The following ILDR2 variants were observed in gnomAD, a reference collection of about 807,000 sequenced individuals.
ILDR2 encodes the protein immunoglobulin like domain containing receptor 2.
In ILDR2, 25 loss-of-function variants were observed where a neutral mutation model predicts 66.8. That is an observed-to-expected ratio of 0.37 (90% CI 0.27 to 0.52). ILDR2 has a LOEUF of 0.52. Among genes scored for constraint, ILDR2 ranks in the 20% least tolerant of loss-of-function variants. The pLI is 0.88. For missense variants in ILDR2, 827 were observed against 876.8 expected (o/e 0.94, Z 0.72); for synonymous variants, 367 against 357.2 (o/e 1.03, Z -0.31).
chr1:166,927,150 T>G lies in ILDR2; in HGVS notation c.911A>C (p.Lys304Thr). ...VRKGYRIQADKERDSMKVLYY... is the reference protein window; with the variant it reads ...VRKGYRIQADTERDSMKVLYY... Reference sequence around the variant, plus strand: ...CAGGACCTTCATGGAGTCTCTCTCTTTGTCAGCCTGGATCCGGTAACCTTT... The same window carrying G: ...CAGGACCTTCATGGAGTCTCTCTCTGTGTCAGCCTGGATCCGGTAACCTTT... The change falls in exon 7 of 10, where the codon AAA (lysine) becomes ACA (threonine). Residue 304 changes from lysine to threonine, a missense_variant. By Grantham distance (78) the Lys-to-Thr change is moderately conservative (BLOSUM62 -1). Transcript: ENST00000271417. 6 of 1,613,790 alleles carry G rather than the reference T, an allele frequency of 3.7e-6. No individual in the cohort carries two copies. The highest frequency in any genetic ancestry group is 5.1e-6 in the Non-Finnish European group (6 of 1,179,870).
At chr1:166,947,791 T>C (rs1661722693) in intron 3 of ILDR2, among the ~76,000 whole-genome samples, 1 of 152,018 alleles carries the variant, frequency 6.6e-6, no homozygotes, top group Non-Finnish European at 1.5e-5. Flanking sequence ...TGCGCGCTAA[T>C]TGAAGGCCGA....
downstream of ILDR2, chr1:166,907,894 G>A (rs993782061): frequency 1.3e-5 from 2 of 152,152 alleles, no homozygotes; most frequent in African/African-American, 4.8e-5. Context: ...TTGGTCTGAA[G>A]CTGAGATGCA....
chr1:166,921,921 G>T lies in ILDR2; in HGVS notation c.1212-542C>A, dbSNP rs146661951. 3.7e-4 allele frequency among the ~76,000 whole-genome samples: 56 copies of T among 152,278 alleles called. No homozygotes were observed. The highest frequency in any genetic ancestry group is 1.3e-3 in the African/African-American group (55 of 41,560). ...TAAAGGACAGATGAGTGGTGAAGGT[G>T]CTATTTAGGGGGAATAGCAAATCTT... On this transcript the variant is annotated intron_variant, in intron 8 of 9. Transcript: ENST00000271417. The surrounding 1 kb of genome is among the most constrained non-coding windows in gnomAD (Gnocchi z 5.3).
rs556814117 is a variant in ILDR2, at chr1:166,963,373, A to G, written c.47-5272T>C. Among the ~76,000 whole-genome samples the G allele has an allele frequency of 3.3e-5, 5 of 152,362 alleles. No individual in the cohort carries two copies. In the East Asian group the frequency reaches 9.6e-4, roughly 29 times the overall value. ...GTTATTACACCTGTTTTATAGACGA[A>G]GAGACTGATGCTCAGATAATGTATG... On this transcript the variant is annotated intron_variant, in intron 1 of 9. Coordinates refer to ENST00000271417, the MANE Select transcript of ILDR2 (RefSeq NM_199351.3).
At chr1:166,955,367 G>A (rs932342152) in intron 3 of ILDR2, among the ~76,000 whole-genome samples, 1 of 152,152 alleles carries the variant, frequency 6.6e-6, no homozygotes, top group African/African-American at 2.4e-5. Context: ...AGCACTTTTG[G>A]GAGGCCAGGG....
Position 166,975,272 on chromosome 1 carries a change from C to G in ILDR2, c.-4G>C, listed in dbSNP as rs1663528058. 2 of 1,612,946 alleles carry G rather than the reference C, an allele frequency of 1.2e-6. No individual in the cohort carries two copies. Among genetic ancestry groups the G allele is most frequent in the Non-Finnish European group, 1.7e-6 (2 of 1,179,202 alleles). On this transcript the variant is annotated 5_prime_UTR_variant, in exon 1 of 10. Coordinates refer to ENST00000271417, the MANE Select transcript of ILDR2 (RefSeq NM_199351.3). ...ACCTCAGCAAGACCCTATCCATCTT[C>G]CCCAACTTCCCAGCCGAATTACGGA...
intron 3 of ILDR2, among the ~76,000 whole-genome samples, chr1:166,953,849 T>A (rs1177583349): frequency 6.6e-6 from 1 of 152,204 alleles, no homozygotes; most frequent in Non-Finnish European, 1.5e-5. Context: ...TTCCTGTGCA[T>A]AAGTACCTCC....
chr1:166,944,878 A>G (rs1661522264), intron 3 of ILDR2, among the ~76,000 whole-genome samples: 1 of 152,024 alleles, frequency 6.6e-6, no homozygotes, highest in African/African-American at 2.4e-5. Flanking sequence ...TACTTTTACG[A>G]GTGCCTCCAC....
chr1:166,946,105 A>G (rs1011325433), intron 3 of ILDR2, among the ~76,000 whole-genome samples: 1 of 152,190 alleles, frequency 6.6e-6, no homozygotes, highest in Non-Finnish European at 1.5e-5. Context: ...TTTTAAATGT[A>G]AAGATGTTTC....
intron 6 of ILDR2, among the ~76,000 whole-genome samples, chr1:166,934,922 C>T (rs969408675): frequency 6.6e-6 from 1 of 152,184 alleles, no homozygotes; most frequent in East Asian, 1.9e-4. Flanking sequence ...TCTCCCTGAC[C>T]AGGCCATGCT....
At chr1:166,904,932 C>T (rs569334793), downstream of ILDR2, among the ~76,000 whole-genome samples, 2 of 152,234 alleles carry the variant, frequency 1.3e-5, no homozygotes, top group South Asian at 4.1e-4. Flanking sequence ...AGCATGGAGA[C>T]ACCTCCTCAA....
chr1:166,949,206 G>A (rs1049553747), intron 3 of ILDR2, among the ~76,000 whole-genome samples: 2 of 152,248 alleles, frequency 1.3e-5, no homozygotes, highest in Admixed American at 6.5e-5. Context: ...CTACCCACTA[G>A]ATGCCACAGC....
rs146395910 is a variant in ILDR2 at position 166,962,992 on chromosome 1, A to G, written c.47-4891T>C. The stretch of plus-strand genomic sequence containing the variant: ...ATTTAACAAACACTTTAAATTAAAC[A>G]TGTCTAAACCTCATTCATCGTCTCC... On this transcript the variant is annotated intron_variant, in intron 1 of 9. Coordinates refer to ENST00000271417, the MANE Select transcript of ILDR2 (RefSeq NM_199351.3). 6.4e-3 allele frequency among the ~76,000 whole-genome samples: 969 copies of G among 152,282 alleles called. 8 individuals carry two copies. Among genetic ancestry groups the G allele is most frequent in the African/African-American group, 0.022 (918 of 41,556 alleles).
intron 3 of ILDR2, among the ~76,000 whole-genome samples, chr1:166,945,113 A>AT (rs1281043463): frequency 3.3e-5 from 5 of 152,202 alleles, no homozygotes; most frequent in African/African-American, 9.7e-5. Context: ...TGAAAATATG[A>AT]AAGAACTATT....
downstream of ILDR2, among the ~76,000 whole-genome samples, chr1:166,903,494 C>T (rs1011569669): frequency 6.6e-6 from 1 of 152,196 alleles, no homozygotes; most frequent in Non-Finnish European, 1.5e-5. Context: ...GTTCACATTG[C>T]TCTGGTGATA....
intron 1 of ILDR2, among the ~76,000 whole-genome samples, chr1:166,959,978 G>A (rs972476053): frequency 6.6e-6 from 1 of 152,174 alleles, no homozygotes; most frequent in African/African-American, 2.4e-5. Flanking sequence ...TAGTGCCAGT[G>A]TTCACAATGA....
At chr1:166,948,187 C>A (rs1661753881) in intron 3 of ILDR2, among the ~76,000 whole-genome samples, 1 of 152,078 alleles carries the variant, frequency 6.6e-6, no homozygotes, top group Non-Finnish European at 1.5e-5. Context: ...TCCCCCCCAA[C>A]CCTCTGGATC....
intron 1 of ILDR2, among the ~76,000 whole-genome samples, chr1:166,964,470 T>C (rs1231024978): frequency 6.6e-6 from 1 of 152,192 alleles, no homozygotes; most frequent in East Asian, 1.9e-4. Context: ...TTTGTATCCC[T>C]AGTATACAGC....
rs756164302 is a variant in ILDR2, at chr1:166,908,832, C to G, written c.*10523G>C. The G allele has an allele frequency of 2.0e-5, 3 of 152,216 alleles. No homozygotes were observed. The highest frequency in any genetic ancestry group is 6.5e-5 in the Admixed American group (1 of 15,280). The allele number at this position is 152,216 out of a possible 1,614,324, so 9.4% of individuals were successfully genotyped here. On this transcript the variant is annotated 3_prime_UTR_variant, in exon 10 of 10. Transcript: ENST00000271417. ...CTGAACTGTGGTAAAAACAGCCTCCCTGAAGCCTTGGGTTGGAATAATACG... is the reference window on the plus strand; with the variant it reads ...CTGAACTGTGGTAAAAACAGCCTCCGTGAAGCCTTGGGTTGGAATAATACG...
Sources: gnomAD v4.1 joint callset for allele counts (sites outside exome capture counted in the v4.1 genomes callset) on GRCh38, gnomAD v4.1.1 for gene constraint, Gnocchi (gnomAD v3.1) non-coding constraint, MANE v1.5 for transcripts, NCBI Gene and HGNC (gene_info 2026-07-23, HGNC 2026-07-21) for gene names.